The following TSHZ2 variants were observed in gnomAD, a reference collection of about 807,000 sequenced individuals.
TSHZ2 encodes teashirt zinc finger homeobox 2.
A neutral mutation model predicts 74.4 loss-of-function variants in TSHZ2; 21 were observed. The ratio of observed to expected loss-of-function variants is 0.28; its 90% confidence interval spans 0.20 to 0.41. TSHZ2 has a LOEUF of 0.41. Ranked by LOEUF, TSHZ2 falls within the 10% of genes least tolerant of loss-of-function variation. TSHZ2 has a pLI of 1.00. For synonymous variants in TSHZ2, 540 were observed against 515.3 expected (o/e 1.05, Z -0.65); for missense variants, 1,244 against 1,293.5 (o/e 0.96, Z 0.59).
intron 2 of TSHZ2, among the ~76,000 whole-genome samples, chr20:53,284,381 G>A (rs1433036118): frequency 3.9e-5 from 6 of 152,200 alleles, no homozygotes; most frequent in African/African-American, 1.2e-4. Context: ...CATAGCACAG[G>A]CGGCGGCAGA....
intron 1 of TSHZ2, among the ~76,000 whole-genome samples, chr20:53,165,865 G>A (rs1163312916): frequency 1.3e-5 from 2 of 152,190 alleles, no homozygotes; most frequent in East Asian, 1.9e-4. Flanking sequence ...TCACAACGGT[G>A]ACTGCAAACC....
intron 1 of TSHZ2, among the ~76,000 whole-genome samples, chr20:53,040,436 A>T (rs1333974003): frequency 6.6e-6 from 1 of 152,118 alleles, no homozygotes; most frequent in African/African-American, 2.4e-5. Context: ...TGTCAAATGC[A>T]ATGGGAGCCA....
intron 2 of TSHZ2, among the ~76,000 whole-genome samples, chr20:53,429,693 G>A (rs1036063479): frequency 6.6e-6 from 1 of 152,192 alleles, no homozygotes; most frequent in Non-Finnish European, 1.5e-5. Flanking sequence ...CTTGTCAGGA[G>A]AATCAAAAAA....
At chr20:53,326,293 A>G (rs1979489558) in intron 2 of TSHZ2, among the ~76,000 whole-genome samples, 1 of 152,212 alleles carries the variant, frequency 6.6e-6, no homozygotes. Context: ...ATTGCCTGTG[A>G]TATGTCTAAG....
intron 2 of TSHZ2, among the ~76,000 whole-genome samples, chr20:53,417,130 A>T (rs1027910842): frequency 2.0e-5 from 3 of 151,754 alleles, no homozygotes; most frequent in Non-Finnish European, 2.9e-5. Context: ...GGAGCCAAAG[A>T]CTCCTTCCAG....
intron 1 of TSHZ2, among the ~76,000 whole-genome samples, chr20:52,995,696 T>G (rs559476051): frequency 1.0e-4 from 15 of 149,010 alleles, no homozygotes; most frequent in Non-Finnish European, 2.2e-4. Context: ...CACTGCAACC[T>G]CTGCCTTTCA....
chr20:53,226,119 AAC>A (rs11470731), intron 1 of TSHZ2, among the ~76,000 whole-genome samples: 5,412 of 147,470 alleles, frequency 0.037, 112 homozygotes, highest in African/African-American at 0.057. Flanking sequence ...GACTAAATTT[AAC>A]ACACACACAC....
Position 53,256,597 on chromosome 20 carries a change from G to C in TSHZ2, c.*8+26G>C. The C allele has an allele frequency of 1.3e-6, 2 of 1,535,392 alleles. No homozygotes were observed. Among genetic ancestry groups the C allele is most frequent in the Non-Finnish European group, 1.8e-6 (2 of 1,137,532 alleles). ...GTATGGGTTTGCTCTGAGGCATTGCGATTAGCCTGGTGAGGAGCTTTCTTA... is the reference window on the plus strand; with the variant it reads ...GTATGGGTTTGCTCTGAGGCATTGCCATTAGCCTGGTGAGGAGCTTTCTTA... On this transcript the variant is annotated intron_variant, in intron 2 of 2. Coordinates refer to ENST00000371497, the MANE Select transcript of TSHZ2 (RefSeq NM_173485.6). This position sits in a 1 kb window ranked among gnomAD's most constrained non-coding sequence, Gnocchi z 4.3.
rs750453142 is a variant in TSHZ2, at chr20:53,255,061, G to T, written c.1603G>T (p.Ala535Ser). The change falls in exon 2 of 3, where the codon GCC becomes TCC. Residue 535 changes from alanine (A) to serine (S), a missense_variant. Ala to Ser is a moderately conservative substitution (Grantham distance 99). Around this residue, in one of 6 missense-constraint regions of TSHZ2, gnomAD observed 562 missense variants for 544.0 expected, o/e 1.03. Coordinates refer to ENST00000371497, the MANE Select transcript of TSHZ2 (RefSeq NM_173485.6). This position sits in a 1 kb window ranked among gnomAD's most constrained non-coding sequence, Gnocchi z 4.1. The part of the protein sequence containing the change: ...TTAINKAQNG[A>S]PSWSAYPSIH... ...AGCCATCAACAAAGCCCAAAACGGG[G>T]CCCCCAGCTGGAGTGCCTACCCCAG... 6.2e-7 allele frequency: 1 copy of T among 1,614,006 alleles called. No homozygotes were observed. Among genetic ancestry groups the T allele is most frequent in the African/African-American group, 1.3e-5 (1 of 74,918 alleles).
At chr20:53,222,436 C>T (rs746641490) in intron 1 of TSHZ2, among the ~76,000 whole-genome samples, 1 of 152,200 alleles carries the variant, frequency 6.6e-6, no homozygotes, top group Non-Finnish European at 1.5e-5. Flanking sequence ...ATGAATGTCA[C>T]CACCAGCAGG....
intron 1 of TSHZ2, among the ~76,000 whole-genome samples, chr20:53,085,714 TA>T (rs1985678552): frequency 1.3e-5 from 2 of 152,320 alleles, no homozygotes; most frequent in Non-Finnish European, 2.9e-5. Context: ...AGTTCAGATT[TA>T]AACCCAGGTG....
chr20:53,305,084 C>T (rs566201591), intron 2 of TSHZ2, among the ~76,000 whole-genome samples: 17 of 151,922 alleles, frequency 1.1e-4, no homozygotes, highest in African/African-American at 1.5e-4. Context: ...TGCAGGTGCC[C>T]TCCACCACGC....
At chr20:53,184,516 TAAATA>T (rs1988556830) in intron 1 of TSHZ2, among the ~76,000 whole-genome samples, 1 of 152,142 alleles carries the variant, frequency 6.6e-6, no homozygotes, top group East Asian at 1.9e-4. Flanking sequence ...GGAACAAACA[TAAATA>T]AGAAAATAAA....
intron 2 of TSHZ2, among the ~76,000 whole-genome samples, chr20:53,415,069 C>T (rs1983189598): frequency 6.6e-6 from 1 of 152,278 alleles, no homozygotes; most frequent in African/African-American, 2.4e-5. Flanking sequence ...ACAAAGGTGG[C>T]AGCGAATCAA....
chr20:53,212,437 C>T (rs1568815875), intron 1 of TSHZ2, among the ~76,000 whole-genome samples: 1 of 152,122 alleles, frequency 6.6e-6, no homozygotes, highest in Non-Finnish European at 1.5e-5. Context: ...TCTTGTAATT[C>T]TTTACGGGAA....
chr20:53,358,315 A>C (rs1022094802), intron 2 of TSHZ2, among the ~76,000 whole-genome samples: 1 of 150,014 alleles, frequency 6.7e-6, no homozygotes. Flanking sequence ...AAAAAAAAAA[A>C]AGTTTCTGTG....
At chr20:53,436,573 C>A (rs1984089524) in intron 2 of TSHZ2, among the ~76,000 whole-genome samples, 1 of 120,914 alleles carries the variant, frequency 8.3e-6, no homozygotes, top group South Asian at 2.7e-4. Context: ...TTAGATGGAG[C>A]CTTGCTCTGT....
At chr20:53,470,128 T>C (rs1026518472) in intron 2 of TSHZ2, among the ~76,000 whole-genome samples, 1 of 152,180 alleles carries the variant, frequency 6.6e-6, no homozygotes, top group Non-Finnish European at 1.5e-5. Context: ...GTCTCTGTTG[T>C]CAACGCTGGG....
At chr20:53,326,045 G>T (rs777164115) in intron 2 of TSHZ2, among the ~76,000 whole-genome samples, 11 of 152,132 alleles carry the variant, frequency 7.2e-5, no homozygotes, top group Admixed American at 1.3e-4. Context: ...GCCTCCCAAA[G>T]TGCTGGGACT....
Sources: allele counts gnomAD v4.1 joint callset (sites outside exome capture counted in the v4.1 genomes callset), GRCh38; gene constraint gnomAD v4.1.1; regional missense constraint gnomAD v4.1.1; non-coding constraint Gnocchi (gnomAD v3.1); transcripts MANE v1.5; gene names NCBI Gene and HGNC (gene_info 2026-07-23, HGNC 2026-07-21).